The following HSF5 variants were observed in gnomAD, a reference collection of about 807,000 sequenced individuals.
The protein encoded by HSF5 is heat shock transcription factor 5, also known as heat shock factor protein 5.
In HSF5, 5 loss-of-function variants were observed where a neutral mutation model predicts 50.8. The observed-to-expected ratio is 0.10, with a 90% CI of 0.05 to 0.21. HSF5 has a LOEUF of 0.21. HSF5 is among the 10% of genes least tolerant of loss of function. The probability of loss-of-function intolerance (pLI) is 1.00; values close to 1 mark genes in which losing one functional copy is unlikely to be tolerated. For synonymous variants in HSF5, 307 were observed against 307.4 expected, an observed-to-expected ratio of 1.00 and a Z score of 0.02; for missense variants, 564 against 762.6, an observed-to-expected ratio of 0.74 and a Z score of 3.07.
At chr17:58,430,335 G>A (rs1481663109) in intron 5 of HSF5, among the ~76,000 whole-genome samples, 1 of 152,156 alleles carries the variant, frequency 6.6e-6, no homozygotes, top group Non-Finnish European at 1.5e-5. Context: ...GCCTCCCAAA[G>A]TACTAGGATT....
intron 5 of HSF5, among the ~76,000 whole-genome samples, chr17:58,429,087 C>T (rs1386136198): frequency 2.6e-5 from 4 of 152,160 alleles, no homozygotes; most frequent in Admixed American, 6.5e-5. Context: ...GATTTACATG[C>T]TACAATGTGG....
chr17:58,431,691 G>A (rs1974366853), intron 5 of HSF5, among the ~76,000 whole-genome samples: 2 of 152,208 alleles, frequency 1.3e-5, no homozygotes, highest in African/African-American at 4.8e-5. Context: ...CACAATTCTT[G>A]TTTCCAGCAG....
At position 58,458,781 on chromosome 17, in the gene HSF5, T is replaced by G; in HGVS notation, c.1707A>C (p.Gln569His). The G allele has an allele frequency of 6.2e-7, 1 of 1,611,726 alleles. No individual in the cohort carries two copies. The highest frequency in any genetic ancestry group is 1.3e-5 in the African/African-American group (1 of 74,948). ...RYREHRSNSQ[Q>H]GKSPDLHLLV... ...AATAATCCTTACCAGGGGACTTTCCTTGTTGTGAGTTGCTTCTGTGCTCTC... is the reference window on the plus strand; with the variant it reads ...AATAATCCTTACCAGGGGACTTTCCGTGTTGTGAGTTGCTTCTGTGCTCTC... The change falls in exon 5 of 6, where the codon CAA (glutamine) becomes CAC (histidine). Residue 569 changes from glutamine (Q) to histidine (H), a missense_variant. Gln to His is a conservative substitution (Grantham distance 24). Coordinates refer to ENST00000323777, the MANE Select transcript of HSF5 (RefSeq NM_001080439.3).
At position 58,458,917 on chromosome 17, in the gene HSF5, C is replaced by A; in HGVS notation, c.1571G>T (p.Ser524Ile). The change falls in exon 5 of 6, where the codon AGT (serine) becomes ATT (isoleucine). Residue 524 changes from serine to isoleucine, a missense_variant. Ser to Ile is a moderately radical substitution (Grantham distance 142, BLOSUM62 -2). This residue lies in a region of HSF5 where 441 missense variants were observed against 533.6 expected (regional missense o/e 0.83). Transcript: ENST00000323777. The stretch of plus-strand genomic sequence containing the variant: ...TGACGGCAAGATATTCTCACGTGAA[C>A]TGGTCTGGCATTTTATGTTGGCATC... ...QVDANIKCQT[S>I]SRENILPSEQ... The A allele has an allele frequency of 1.9e-6, 3 of 1,613,238 alleles. No homozygotes were observed. Among genetic ancestry groups the A allele is most frequent in the Non-Finnish European group, 2.5e-6 (3 of 1,179,748 alleles).
In HSF5 at chr17:58,440,668, C is replaced by G. The variant is rs200357754; in HGVS notation, c.1720+18100G>C. Among the ~76,000 whole-genome samples, 28 of 152,192 alleles carry G rather than the reference C, an allele frequency of 1.8e-4. No individual in the cohort carries two copies. The East Asian group carries it at 5.4e-3, about 29-fold the overall frequency. ...GTGGAAACTCCATATACTGGAATTA[C>G]CAGAATTCAGCAAGAAAACAACCAT... On this transcript the variant is annotated intron_variant, in intron 5 of 5. Coordinates refer to ENST00000323777, the MANE Select transcript of HSF5 (RefSeq NM_001080439.3).
intron 1 of HSF5, among the ~76,000 whole-genome samples, chr17:58,485,190 T>C (rs1598205195): frequency 6.6e-6 from 1 of 152,020 alleles, no homozygotes; most frequent in East Asian, 1.9e-4. Flanking sequence ...CTTGACCTTG[T>C]GATCCGCCTG....
chr17:58,431,340 T>A (rs1431048983), intron 5 of HSF5, among the ~76,000 whole-genome samples: 2 of 152,234 alleles, frequency 1.3e-5, no homozygotes, highest in Admixed American at 6.5e-5. Flanking sequence ...CAAGTTACTA[T>A]GCTGAACACT....
intron 5 of HSF5, among the ~76,000 whole-genome samples, chr17:58,427,078 CCT>C (rs1325204450): frequency 6.6e-6 from 1 of 151,890 alleles, no homozygotes; most frequent in Admixed American, 6.6e-5. Context: ...ATGGTGAAAC[CCT>C]GTCTCTATAA....
chr17:58,488,302 C>T lies in HSF5; in HGVS notation c.-28G>A. 6.9e-7 allele frequency: 1 copy of T among 1,447,680 alleles called. No individual in the cohort carries two copies. The highest frequency in any genetic ancestry group is 9.0e-7 in the Non-Finnish European group (1 of 1,112,482). 89.7% of individuals were successfully genotyped at this position (1,447,680 alleles called of 1,614,324 possible). On this transcript the variant is annotated 5_prime_UTR_variant, in exon 1 of 6. Transcript: ENST00000323777. This position sits in a 1 kb window ranked among gnomAD's most constrained non-coding sequence, Gnocchi z 4.1. ...CCCCGCCGGGCCGGGGCCTCGCCCC[C>T]CGAGCCTAGCTCTCCCACACCGTTC... is the stretch of plus-strand genomic sequence containing the variant.
intron 2 of HSF5, among the ~76,000 whole-genome samples, chr17:58,478,864 CAAAAAA>C (rs11363228): frequency 1.0e-5 from 1 of 95,426 alleles, no homozygotes; most frequent in African/African-American, 3.8e-5. Context: ...ACTCCATCTC[CAAAAAA>C]AAAAAAAAAA....
chr17:58,424,545 G>T (rs1335104457), intron 5 of HSF5, among the ~76,000 whole-genome samples: 2 of 151,602 alleles, frequency 1.3e-5, no homozygotes, highest in African/African-American at 4.9e-5. Flanking sequence ...CCGGGAGATG[G>T]AGGTTGCAGT....
chr17:58,446,235 A>G (rs1414600347), intron 5 of HSF5, among the ~76,000 whole-genome samples: 1 of 151,970 alleles, frequency 6.6e-6, no homozygotes, highest in Non-Finnish European at 1.5e-5. Context: ...AACATCAACT[A>G]TCCATTCAAG....
intron 3 of HSF5, among the ~76,000 whole-genome samples, chr17:58,465,582 C>T (rs1478499656): frequency 6.8e-6 from 1 of 147,954 alleles, no homozygotes; most frequent in Admixed American, 6.8e-5. Context: ...ATACTCCAAA[C>T]AACAATCTGA....
At chr17:58,460,635 G>A (rs913302150) in intron 4 of HSF5, among the ~76,000 whole-genome samples, 12 of 150,814 alleles carry the variant, frequency 8.0e-5, no homozygotes, top group African/African-American at 1.5e-4. Flanking sequence ...TCAGCCTCCC[G>A]AGTAGCTGGG....
intron 2 of HSF5, among the ~76,000 whole-genome samples, chr17:58,471,621 CTTT>C (rs35088448): frequency 1.4e-5 from 2 of 144,676 alleles, no homozygotes; most frequent in Non-Finnish European, 3.0e-5. Flanking sequence ...CCTTTTCTTT[CTTT>C]TTTTTTTTTG....
intron 5 of HSF5, among the ~76,000 whole-genome samples, chr17:58,434,191 G>T (rs572003168): frequency 1.3e-4 from 20 of 152,008 alleles, no homozygotes; most frequent in Admixed American, 5.2e-4. Context: ...GGGATTACAG[G>T]CGTGAGCCAC....
At chr17:58,468,185 C>T (rs1408554379) in intron 2 of HSF5, among the ~76,000 whole-genome samples, 2 of 152,094 alleles carry the variant, frequency 1.3e-5, no homozygotes, top group Non-Finnish European at 2.9e-5. Context: ...ATCCCTTCAG[C>T]CCAGGAGTTT....
intron 5 of HSF5, among the ~76,000 whole-genome samples, chr17:58,435,344 T>C (rs1394147473): frequency 6.9e-6 from 1 of 145,344 alleles, no homozygotes; most frequent in Non-Finnish European, 1.5e-5. Context: ...AGGTCAGGAG[T>C]TCAAGACCAA....
chr17:58,465,817 A>T (rs1392304093), intron 3 of HSF5, among the ~76,000 whole-genome samples: 1 of 152,182 alleles, frequency 6.6e-6, no homozygotes, highest in East Asian at 1.9e-4. Flanking sequence ...AAATAGCTAT[A>T]TAAAACGTTT....
Sources: gnomAD v4.1 joint callset for allele counts (sites outside exome capture counted in the v4.1 genomes callset) on GRCh38, gnomAD v4.1.1 for gene constraint, gnomAD v4.1.1 regional missense constraint, Gnocchi (gnomAD v3.1) non-coding constraint, MANE v1.5 for transcripts, NCBI Gene and HGNC (gene_info 2026-07-23, HGNC 2026-07-21) for gene names.